SLCO4A1: variants seen among roughly 807,000 people sequenced by gnomAD.
SLCO4A1 encodes the protein colon organic anion transporter.
Under a neutral mutation model 64.6 loss-of-function variants are expected in SLCO4A1, and 51 were observed. The ratio of observed to expected loss-of-function variants is 0.79; its 90% CI spans 0.63 to 1.00. SLCO4A1 has a LOEUF of 1.00. Among genes scored for constraint, SLCO4A1 ranks in the 50% least tolerant of loss-of-function variants. The probability of loss-of-function intolerance (pLI) is 0.00; values close to 1 mark genes in which losing one functional copy is unlikely to be tolerated. For missense variants in SLCO4A1, 919 were observed against 980.5 expected, an observed-to-expected ratio of 0.94 and a Z score of 0.84; for synonymous variants, 471 against 444.9, an observed-to-expected ratio of 1.06 and a Z score of -0.74.
chr20:62,670,660 G>A (rs539388832), intron 11 of SLCO4A1, among the ~76,000 whole-genome samples: 1 of 152,326 alleles, frequency 6.6e-6, no homozygotes, highest in Admixed American at 6.5e-5. Context: ...TGTGTTGGAT[G>A]CATCCCTTAG....
Position 62,668,994 on chromosome 20 carries a change from C to T in SLCO4A1, c.1941C>T (p.Asp647=), listed in dbSNP as rs1986867900. 6.2e-7 allele frequency: 1 copy of T among 1,610,346 alleles called. No individual in the cohort carries two copies. Among genetic ancestry groups the T allele is most frequent in the Non-Finnish European group, 8.5e-7 (1 of 1,179,970 alleles). ...ACAAGGCCTGTCTGCTGTGGCAGGA[C>T]CAGTGTGGCCAGCAGGGCTCCTGCT... ...VIDKACLLWQ[D]QCGQQGSCLV... is the part of the protein sequence containing the mutation. Residue 647 remains aspartate (D), a synonymous_variant, in exon 11 of 12, where the codon GAC becomes GAT. Coordinates refer to ENST00000217159, the MANE Select transcript of SLCO4A1 (RefSeq NM_016354.4).
intron 1 of SLCO4A1, among the ~76,000 whole-genome samples, chr20:62,653,653 A>G (rs896272672): frequency 3.3e-5 from 5 of 152,146 alleles, no homozygotes; most frequent in Non-Finnish European, 5.9e-5. Context: ...ACTCTGCCTC[A>G]ACCCCAAGGT....
Position 62,672,007 on chromosome 20 carries a change from C to T in SLCO4A1, c.*114C>T, listed in dbSNP as rs765717059. 1 of 1,588,268 alleles carries T rather than the reference C, an allele frequency of 6.3e-7. No homozygotes were observed. The highest frequency in any genetic ancestry group is 2.2e-5 in the East Asian group (1 of 44,494). On this transcript the variant is annotated 3_prime_UTR_variant, in exon 12 of 12. Transcript: ENST00000217159. ...CTTCTATTTGACCTGCAACCTTCTA[C>T]TTAACCTGTGGTTTAAAGTCGGCTG...
chr20:62,673,762 A>T (rs1987446697), downstream of SLCO4A1, among the ~76,000 whole-genome samples: 6 of 103,028 alleles, frequency 5.8e-5, no homozygotes, highest in African/African-American at 5.8e-5. Context: ...TGAGCCAACC[A>T]AGAGGGGACG....
In SLCO4A1 at chr20:62,668,021, G is replaced by A; in HGVS notation, c.1648G>A (p.Asp550Asn). ...TNVDGQKVYR[D>N]CSCIPQNLSS... The stretch of plus-strand genomic sequence containing the variant: ...TTGTTGGGCTTCCCAGGTGTACCGA[G>A]ACTGTAGCTGTATCCCTCAGAATCT... The change falls in exon 9 of 12, where the codon GAC becomes AAC. Residue 550 changes from aspartate (D) to asparagine (N), a missense_variant. Asp to Asn is a conservative substitution (Grantham distance 23). Coordinates refer to ENST00000217159, the MANE Select transcript of SLCO4A1 (RefSeq NM_016354.4). 1 of 1,614,074 alleles carries A rather than the reference G, an allele frequency of 6.2e-7. No homozygotes were observed. Among genetic ancestry groups the A allele is most frequent in the South Asian group, 1.1e-5 (1 of 91,086 alleles).
At chr20:62,684,316 A>G (rs1285089809) in intron 2 of SLCO4A1, among the ~76,000 whole-genome samples, 2 of 152,146 alleles carry the variant, frequency 1.3e-5, no homozygotes, top group South Asian at 2.1e-4. Context: ...GGGTGCCTGG[A>G]TTATAGGAAG....
At chr20:62,668,622 A>C in intron 10 of SLCO4A1, 81 bp downstream of exon 10, 1 of 1,320,596 alleles carries the variant, frequency 7.6e-7, no homozygotes, top group Non-Finnish European at 1.1e-6. Flanking sequence ...TCTAACCACC[A>C]AGGGGATGTG....
chr20:62,646,844 A>G lies in SLCO4A1; in HGVS notation c.-97+4291A>G, dbSNP rs113701328. On this transcript the variant is annotated intron_variant, in intron 1 of 11. Coordinates refer to ENST00000217159, the MANE Select transcript of SLCO4A1 (RefSeq NM_016354.4). The stretch of plus-strand genomic sequence containing the variant: ...GAATGGCAGGAGAGTTTTCAGTTCC[A>G]TGGATGGGATGATGAGTCGGAAGGA... Among the ~76,000 whole-genome samples, 939 of 152,328 alleles carry G rather than the reference A, an allele frequency of 6.2e-3. 11 individuals carry two copies. Among genetic ancestry groups the G allele is most frequent in the African/African-American group, 0.022 (903 of 41,574 alleles).
intron 6 of SLCO4A1, chr20:62,665,906 C>T (rs766788420): frequency 1.5e-4 from 23 of 155,748 alleles, no homozygotes; most frequent in Non-Finnish European, 2.8e-4. Context: ...GCCAGCTAAT[C>T]GCAATTTTTT....
chr20:62,660,976 C>T, intron 4 of SLCO4A1, 88 bp from the exon 5 acceptor site: 2 of 892,558 alleles, frequency 2.2e-6, no homozygotes, highest in Non-Finnish European at 3.5e-6. Context: ...CGGGGAGGGG[C>T]AGAGGAGTGG....
chr20:62,688,385 G>A (rs950714495), downstream of SLCO4A1, among the ~76,000 whole-genome samples: 17 of 151,944 alleles, frequency 1.1e-4, no homozygotes, highest in Non-Finnish European at 1.6e-4. Context: ...AACCCTGCCC[G>A]TGCACCAATG....
At position 62,669,050 on chromosome 20, in the gene SLCO4A1, A is replaced by G. The variant is rs1986876223; in HGVS notation, c.1997A>G (p.Tyr666Cys). ...TACCAGAATTCGGCCATGAGCCGCT[A>G]CATACTCATCATGGGGCTCCTGTAC... ...LVYQNSAMSRYILIMGLLYKV... is the reference protein window; with the variant it reads ...LVYQNSAMSRCILIMGLLYKV... The change falls in exon 11 of 12, where the codon TAC (tyrosine) becomes TGC (cysteine). Residue 666 changes from tyrosine (Y) to cysteine (C), a missense_variant. Tyr to Cys is a radical substitution (Grantham distance 194). Transcript: ENST00000217159. 6.2e-7 allele frequency: 1 copy of G among 1,611,340 alleles called. No homozygotes were observed. Among genetic ancestry groups the G allele is most frequent in the East Asian group, 2.2e-5 (1 of 44,884 alleles).
chr20:62,668,464 T>C lies in SLCO4A1; in HGVS notation c.1812-13T>C, dbSNP rs763288601. 6.2e-7 allele frequency: 1 copy of C among 1,613,306 alleles called. No homozygotes were observed. Among genetic ancestry groups the C allele is most frequent in the Non-Finnish European group, 8.5e-7 (1 of 1,179,850 alleles). Reference sequence around the variant, plus strand: ...ACTTCTGTGGGTGCTGACGCTGTGGTTTTCTATTGCAGATGTGTCCGTGAC... The same window carrying C: ...ACTTCTGTGGGTGCTGACGCTGTGGCTTTCTATTGCAGATGTGTCCGTGAC... On this transcript the variant is annotated splice_polypyrimidine_tract_variant and intron_variant, in intron 9 of 11. Coordinates refer to ENST00000217159, the MANE Select transcript of SLCO4A1 (RefSeq NM_016354.4).
At chr20:62,671,628 T>C in intron 11 of SLCO4A1, 122 bp from the exon 12 acceptor site, 1 of 856,330 alleles carries the variant, frequency 1.2e-6, no homozygotes, top group East Asian at 2.4e-5. Context: ...GCAGGATGGG[T>C]TTCCGTGGAC....
At chr20:62,673,688 G>A (rs922068977), downstream of SLCO4A1, among the ~76,000 whole-genome samples, 5 of 144,962 alleles carry the variant, frequency 3.4e-5, 1 homozygote, top group South Asian at 2.2e-4. Flanking sequence ...CTCTGCCTAC[G>A]GTCGGCAAGA....
Position 62,656,778 on chromosome 20 carries a change from C to T in SLCO4A1, c.324C>T (p.Phe108=), listed in dbSNP as rs963661749. 5 of 1,612,852 alleles carry T rather than the reference C, an allele frequency of 3.1e-6. No homozygotes were observed. Among genetic ancestry groups the T allele is most frequent in the Non-Finnish European group, 3.4e-6 (4 of 1,179,902 alleles). ...VLNTPKGILF[F]LCAAAFLQGM... ...ACACGCCCAAGGGCATCCTGTTCTT[C>T]CTGTGTGCGGCCGCATTCCTGCAGG... The change falls in exon 2 of 12, where the codon TTC becomes TTT. Residue 108 remains phenylalanine, a synonymous_variant. Transcript: ENST00000217159.
In SLCO4A1 at chr20:62,661,883, C is replaced by G. The variant is rs1985004322; in HGVS notation, c.1121+708C>G. Reference sequence around the variant, plus strand: ...TAGAGGGACAACAGAGGGGCCCGGGCCCTCCCGGCCTCTCCTGGGGATCAT... The same window carrying G: ...TAGAGGGACAACAGAGGGGCCCGGGGCCTCCCGGCCTCTCCTGGGGATCAT... On this transcript the variant is annotated intron_variant, in intron 5 of 11. Coordinates refer to ENST00000217159, the MANE Select transcript of SLCO4A1 (RefSeq NM_016354.4). This position sits in a 1 kb window ranked among gnomAD's most constrained non-coding sequence, Gnocchi z 5.2. Among the ~76,000 whole-genome samples the G allele has an allele frequency of 1.3e-5, 2 of 152,042 alleles. No individual in the cohort carries two copies. The highest frequency in any genetic ancestry group is 2.4e-5 in the African/African-American group (1 of 41,410).
downstream of SLCO4A1, among the ~76,000 whole-genome samples, chr20:62,686,669 A>G (rs939104077): frequency 6.6e-6 from 1 of 152,258 alleles, no homozygotes; most frequent in Non-Finnish European, 1.5e-5. Flanking sequence ...AGGAGAGTAC[A>G]CTAAGTCTTA....
intron 2 of SLCO4A1, among the ~76,000 whole-genome samples, chr20:62,683,917 G>A: frequency 7.3e-6 from 1 of 137,550 alleles, no homozygotes; most frequent in African/African-American, 2.8e-5. Context: ...CTCACGCAAC[G>A]ATCTCACGTG....
Sources: gnomAD v4.1 joint callset for allele counts (sites outside exome capture counted in the v4.1 genomes callset) on GRCh38, gnomAD v4.1.1 for gene constraint, Gnocchi (gnomAD v3.1) non-coding constraint, MANE v1.5 for transcripts, NCBI Gene and HGNC (gene_info 2026-07-23, HGNC 2026-07-21) for gene names.